The following PLEKHA8 variants were observed in gnomAD, a reference collection of about 807,000 sequenced individuals.
PLEKHA8 encodes the protein pleckstrin homology domain-containing family A member 8.
PLEKHA8 carries 36 observed loss-of-function variants against 68.2 expected under a neutral mutation model. The ratio of observed to expected loss-of-function variants is 0.53; its 90% CI spans 0.40 to 0.70. The LOEUF (loss-of-function observed/expected upper bound fraction) is 0.70. Among genes scored for constraint, PLEKHA8 ranks in the 30% least tolerant of loss-of-function variants. PLEKHA8 has a pLI of 0.00. For synonymous variants in PLEKHA8, 211 were observed against 216.1 expected (o/e 0.98, Z 0.20); for missense variants, 505 against 615.4 (o/e 0.82, Z 1.90).
downstream of PLEKHA8, among the ~76,000 whole-genome samples, chr7:30,092,494 C>T (rs979738648): frequency 7.9e-5 from 12 of 152,060 alleles, no homozygotes; most frequent in African/African-American, 2.4e-4. Flanking sequence ...GCCTGAGCCC[C>T]GGAGCCAGCT....
chr7:30,095,664 C>G (rs562299386), downstream of PLEKHA8, among the ~76,000 whole-genome samples: 7 of 151,728 alleles, frequency 4.6e-5, no homozygotes, highest in East Asian at 1.3e-3. Flanking sequence ...TTAGGTCTAA[C>G]ATGTAAATCT....
In PLEKHA8 at chr7:30,084,206, G is replaced by A. The variant is rs1562540298; in HGVS notation, c.*5419G>A. 2.0e-6 allele frequency: 2 copies of A among 985,094 alleles called. No individual in the cohort carries two copies. 61.0% of individuals were successfully genotyped at this position (985,094 alleles called of 1,614,324 possible). On this transcript the variant is annotated 3_prime_UTR_variant, in exon 14 of 14. Transcript: ENST00000449726. ...TAGACCAGATGCCAAAGGCTAAAAT[G>A]TACATAGATTTCCTTGGATTAATTT...
intron 8 of PLEKHA8, 33 bp downstream of exon 8, chr7:30,054,898 G>T: frequency 6.5e-7 from 1 of 1,548,424 alleles, no homozygotes; most frequent in South Asian, 1.2e-5. Flanking sequence ...ACTGATGCTT[G>T]GATACTAACT....
At chr7:30,114,019 C>T (rs1796352282) in intron 13 of PLEKHA8, among the ~76,000 whole-genome samples, 1 of 151,994 alleles carries the variant, frequency 6.6e-6, no homozygotes, top group South Asian at 2.1e-4. Flanking sequence ...CTGCCTCACC[C>T]TCCCCAGTAG....
chr7:30,062,819 A>G, intron 12 of PLEKHA8, 77 bp downstream of exon 12: 2 of 1,059,028 alleles, frequency 1.9e-6, no homozygotes, highest in Non-Finnish European at 2.8e-6. Context: ...TACAGGGTAT[A>G]GGGGATATTT....
At chr7:30,042,988 G>T (rs912634804) in intron 1 of PLEKHA8, among the ~76,000 whole-genome samples, 7 of 139,210 alleles carry the variant, frequency 5.0e-5, no homozygotes, top group African/African-American at 1.9e-4. Flanking sequence ...TGAAGCCAAG[G>T]TCTAGAAGCA....
At chr7:30,030,882 G>A (rs1364711355) in intron 1 of PLEKHA8, among the ~76,000 whole-genome samples, 2 of 152,158 alleles carry the variant, frequency 1.3e-5, no homozygotes, top group Non-Finnish European at 2.9e-5. Context: ...TTTTTCTGAA[G>A]CTTGTTTTAA....
rs761685260 is a variant in PLEKHA8 at position 30,056,278 on chromosome 7, T to TTCTCTCTCTCTCTCTCTC, written c.1039+954_1039+971dup. On this transcript the variant is annotated intron_variant, in intron 9 of 13. Transcript: ENST00000449726. Reference sequence around the variant, plus strand: ...ATTTTCAAAGATTTTTAAAGATATATTCTCTCTCTCTCTCTCTCTCTCTCT... The same window carrying TTCTCTCTCTCTCTCTCTC: ...ATTTTCAAAGATTTTTAAAGATATATTCTCTCTCTCTCTCTCTCTCTCTCTCTCTCTCTCTCTCTCTCT... 1.4e-3 allele frequency among the ~76,000 whole-genome samples: 79 copies of TTCTCTCTCTCTCTCTCTC among 56,398 alleles called. 1 individual carries two copies. Among genetic ancestry groups the TTCTCTCTCTCTCTCTCTC allele is most frequent in the South Asian group, 4.6e-3 (5 of 1,080 alleles). The allele number at this position is 56,398 out of a possible 152,430, so 37.0% of individuals were successfully genotyped here.
intron 1 of PLEKHA8, among the ~76,000 whole-genome samples, chr7:30,036,988 C>G (rs1791149890): frequency 6.6e-6 from 1 of 152,126 alleles, no homozygotes; most frequent in Admixed American, 6.5e-5. Context: ...TGTCCGCATC[C>G]CTGTCTGGAA....
At chr7:30,089,538 T>C (rs1485168269), downstream of PLEKHA8, among the ~76,000 whole-genome samples, 3 of 152,308 alleles carry the variant, frequency 2.0e-5, no homozygotes, top group Admixed American at 6.5e-5. Context: ...ATGGGAAATA[T>C]GTCAAGGAGA....
At chr7:30,130,058 C>T (rs1796847661), downstream of PLEKHA8, 1 of 152,240 alleles carries the variant, frequency 6.6e-6, no homozygotes, top group Admixed American at 6.5e-5. Context: ...ATCACAGCAG[C>T]TTCTGGCTTA....
Position 30,081,753 on chromosome 7 carries a change from C to T in PLEKHA8, c.*2966C>T. 1.0e-6 allele frequency: 1 copy of T among 985,324 alleles called. No homozygotes were observed. The highest frequency in any genetic ancestry group is 1.2e-6 in the Non-Finnish European group (1 of 829,858). 61.0% of individuals were successfully genotyped at this position (985,324 alleles called of 1,614,324 possible). The stretch of plus-strand genomic sequence containing the variant: ...AAATTGGTCTACTAGGTATTGTAGA[C>T]ACAAATAAGTAACATTAGGCTAACC... On this transcript the variant is annotated 3_prime_UTR_variant, in exon 14 of 14. Coordinates refer to ENST00000449726, the MANE Select transcript of PLEKHA8 (RefSeq NM_001197026.2).
At chr7:30,077,899 A>G (rs1262728458) in intron 13 of PLEKHA8, among the ~76,000 whole-genome samples, 2 of 152,194 alleles carry the variant, frequency 1.3e-5, no homozygotes, top group Non-Finnish European at 2.9e-5. Flanking sequence ...GTGGCATAAT[A>G]TGGTGGTGTG....
chr7:30,089,658 C>T (rs1795328749), intron 12 of PLEKHA8, among the ~76,000 whole-genome samples: 1 of 151,918 alleles, frequency 6.6e-6, no homozygotes, highest in South Asian at 2.1e-4. Flanking sequence ...TATGCTACAG[C>T]CAGAAAGGGG....
chr7:30,074,001 A>AT, intron 12 of PLEKHA8, 70 bp from the exon 13 acceptor site: 1 of 1,284,592 alleles, frequency 7.8e-7, no homozygotes, highest in South Asian at 1.4e-5. Context: ...AAAAAAAAAA[A>AT]GTACATTATA....
At chr7:30,031,870 C>T (rs368624229) in intron 1 of PLEKHA8, among the ~76,000 whole-genome samples, 12 of 151,940 alleles carry the variant, frequency 7.9e-5, no homozygotes, top group African/African-American at 2.7e-4. Flanking sequence ...CTGATAATAG[C>T]GTCTGAGGTT....
At chr7:30,115,135 C>G (rs1288052558) in intron 13 of PLEKHA8, among the ~76,000 whole-genome samples, 1 of 152,118 alleles carries the variant, frequency 6.6e-6, no homozygotes, top group African/African-American at 2.4e-5. Context: ...TTCTCTGTTG[C>G]CAGTTCATTC....
At chr7:30,116,000 A>G (rs111163385) in intron 13 of PLEKHA8, 11 of 146,546 alleles carry the variant, frequency 7.5e-5, no homozygotes, top group African/African-American at 2.2e-4. Flanking sequence ...ATACGCATAC[A>G]TACGCATACA....
chr7:30,075,126 T>C (rs912681073), intron 13 of PLEKHA8: 2 of 152,206 alleles, frequency 1.3e-5, no homozygotes, highest in Non-Finnish European at 2.9e-5. Flanking sequence ...AAAGGATGCA[T>C]CATTTGCCTA....
Sources: gnomAD v4.1 joint callset for allele counts (sites outside exome capture counted in the v4.1 genomes callset) on GRCh38, gnomAD v4.1.1 for gene constraint, MANE v1.5 for transcripts, NCBI Gene and HGNC (gene_info 2026-07-23, HGNC 2026-07-21) for gene names.